The following ELL2 variants were observed in gnomAD, a reference collection of about 807,000 sequenced individuals.
ELL2 encodes the protein RNA polymerase II elongation factor ELL2.
ELL2 carries 21 observed loss-of-function variants against 72.8 expected under a neutral mutation model. That is an observed-to-expected ratio of 0.29 (90% CI 0.20 to 0.42). ELL2 has a LOEUF of 0.42. ELL2 is among the 10% of genes least tolerant of loss of function. The pLI is 1.00. For synonymous variants in ELL2, 266 were observed against 283.2 expected (o/e 0.94, Z 0.61); for missense variants, 568 against 772.8 (o/e 0.73, Z 3.14).
intron 1 of ELL2, among the ~76,000 whole-genome samples, chr5:95,954,049 A>G (rs961143653): frequency 2.0e-5 from 3 of 152,214 alleles, no homozygotes; most frequent in Admixed American, 1.3e-4. Flanking sequence ...TTCCCAAAGA[A>G]TTTCAACTTT....
chr5:95,895,325 A>G (rs1748825527), intron 9 of ELL2, among the ~76,000 whole-genome samples: 1 of 152,258 alleles, frequency 6.6e-6, no homozygotes, highest in East Asian at 1.9e-4. Context: ...TCAGCTTTGA[A>G]GAGTCAGATC....
chr5:95,919,618 C>T lies in ELL2; in HGVS notation c.196-73G>A, dbSNP rs566923134. The T allele has an allele frequency of 2.0e-6, 3 of 1,467,398 alleles. No individual in the cohort carries two copies. In the Admixed American group the frequency reaches 8.5e-5, roughly 42 times the overall value. The allele number at this position is 1,467,398 out of a possible 1,614,324, so 90.9% of individuals were successfully genotyped here. A position where few individuals can be genotyped will look rare whatever the true frequency, so the allele number is the denominator to read the frequency against. On this transcript the variant is annotated intron_variant, in intron 2 of 11. Transcript: ENST00000237853. ...ATAGAAAAGTCTTAAGACTGACTTA[C>T]TGGTTTTTCTAGTGAAAATCATTTT...
At chr5:95,940,355 T>G (rs116786056) in intron 2 of ELL2, among the ~76,000 whole-genome samples, 2 of 152,168 alleles carry the variant, frequency 1.3e-5, no homozygotes, top group Admixed American at 6.5e-5. Flanking sequence ...AACTTCAACC[T>G]AAGGGAACAT....
chr5:95,888,106 C>T lies in ELL2; in HGVS notation c.*765G>A, dbSNP rs777111250. 4 of 152,646 alleles carry T rather than the reference C, an allele frequency of 2.6e-5. No homozygotes were observed. Among genetic ancestry groups the T allele is most frequent in the Admixed American group, 2.0e-4 (3 of 15,272 alleles). 9.5% of individuals were successfully genotyped at this position (152,646 alleles called of 1,614,324 possible). On this transcript the variant is annotated 3_prime_UTR_variant, in exon 12 of 12. Transcript: ENST00000237853. ...CGCTCACATCCACACCACCTCTGCA[C>T]ACATACAGATCGAGCACACACTTCC...
chr5:95,897,234 T>G (rs1234298623), intron 8 of ELL2, among the ~76,000 whole-genome samples: 1 of 152,222 alleles, frequency 6.6e-6, no homozygotes, highest in Non-Finnish European at 1.5e-5. Context: ...ATCTAAGGAT[T>G]ACAGACTTTC....
chr5:95,902,927 G>A (rs982247853), intron 5 of ELL2, among the ~76,000 whole-genome samples: 7 of 146,556 alleles, frequency 4.8e-5, no homozygotes, highest in African/African-American at 8.3e-5. Context: ...GACTACAGGT[G>A]GACACCACTA....
chr5:95,918,004 A>G (rs1398061064), intron 3 of ELL2, among the ~76,000 whole-genome samples: 1 of 152,224 alleles, frequency 6.6e-6, no homozygotes, highest in Non-Finnish European at 1.5e-5. Flanking sequence ...TGGGAATTAG[A>G]AGAACTCAGT....
intron 1 of ELL2, among the ~76,000 whole-genome samples, chr5:95,949,574 CTT>C (rs1751297502): frequency 6.6e-6 from 1 of 151,878 alleles, no homozygotes; most frequent in Admixed American, 6.6e-5. Flanking sequence ...AAGGTTAACT[CTT>C]GAATTATTCT....
intron 2 of ELL2, among the ~76,000 whole-genome samples, chr5:95,933,487 C>T (rs1483029735): frequency 1.3e-5 from 2 of 151,980 alleles, no homozygotes; most frequent in Non-Finnish European, 2.9e-5. Flanking sequence ...GCTCATGATA[C>T]ATGCTAAATG....
At chr5:95,930,768 C>A (rs560088370) in intron 2 of ELL2, among the ~76,000 whole-genome samples, 6 of 152,290 alleles carry the variant, frequency 3.9e-5, no homozygotes, top group Admixed American at 3.3e-4. Context: ...AGGCACAAGA[C>A]CACAGTCTAT....
At position 95,893,534 on chromosome 5, in the gene ELL2, C is replaced by T. The variant is rs145178436; in HGVS notation, c.1589+2094G>A. ...TCAGTAGCTGGGAACCACAGGCACC[C>T]GCCACCACGCTCGACTAATTTTTTG... On this transcript the variant is annotated intron_variant, in intron 9 of 11. Coordinates refer to ENST00000237853, the MANE Select transcript of ELL2 (RefSeq NM_012081.6). 8.6e-3 allele frequency among the ~76,000 whole-genome samples: 1,302 copies of T among 152,154 alleles called. 25 individuals are homozygous for T. Among genetic ancestry groups the T allele is most frequent in the African/African-American group, 0.03 (1,243 of 41,518 alleles).
chr5:95,948,377 C>T lies in ELL2; in HGVS notation c.148-5328G>A, dbSNP rs555289833. Among the ~76,000 whole-genome samples, 105 of 142,780 alleles carry T rather than the reference C, an allele frequency of 7.4e-4. 1 individual carries two copies. The highest frequency in any genetic ancestry group is 1.3e-3 in the Non-Finnish European group (89 of 67,278). 93.7% of individuals were successfully genotyped at this position (142,780 alleles called of 152,430 possible). On this transcript the variant is annotated intron_variant, in intron 1 of 11. Coordinates refer to ENST00000237853, the MANE Select transcript of ELL2 (RefSeq NM_012081.6). The stretch of plus-strand genomic sequence containing the variant: ...CCCGGGAGGCGGAGCTTGCAGTGAG[C>T]CGAGATGGCGCCACAGCACTCCAGC...
At chr5:95,940,599 T>C (rs1254941091) in intron 2 of ELL2, among the ~76,000 whole-genome samples, 3 of 152,244 alleles carry the variant, frequency 2.0e-5, no homozygotes, top group Non-Finnish European at 4.4e-5. Context: ...TATGCCTATA[T>C]ATGACAGTAT....
At chr5:95,938,029 C>T (rs1021111081) in intron 2 of ELL2, among the ~76,000 whole-genome samples, 1 of 152,116 alleles carries the variant, frequency 6.6e-6, no homozygotes. Context: ...GCTGAAATTG[C>T]CTACTAACTT....
intron 3 of ELL2, among the ~76,000 whole-genome samples, chr5:95,919,134 A>G (rs1749947796): frequency 1.3e-5 from 2 of 152,120 alleles, no homozygotes; most frequent in South Asian, 4.1e-4. Context: ...AAAATCCTCA[A>G]ATTGCCTTTA....
intron 1 of ELL2, among the ~76,000 whole-genome samples, chr5:95,954,967 T>A (rs560546238): frequency 6.6e-6 from 1 of 152,302 alleles, no homozygotes; most frequent in South Asian, 2.1e-4. Flanking sequence ...AATCCAAACT[T>A]CTTAGTAAGG....
chr5:95,897,016 G>A (rs542659365), intron 8 of ELL2, among the ~76,000 whole-genome samples: 1 of 152,170 alleles, frequency 6.6e-6, no homozygotes, highest in African/African-American at 2.4e-5. Context: ...AACTATAAGA[G>A]TGTTGAGGGA....
chr5:95,961,569 G>T lies in ELL2; in HGVS notation c.147+6C>A. The stretch of plus-strand genomic sequence containing the variant: ...CTGAGCCCAGCCTGCCGGCCGGCCC[G>T]CTCACCTTGTGGCTCTGGTAAGTCT... On this transcript the variant is annotated splice_donor_region_variant and intron_variant, in intron 1 of 11. Transcript: ENST00000237853. 6.3e-7 allele frequency: 1 copy of T among 1,579,214 alleles called. No individual in the cohort carries two copies. Among genetic ancestry groups the T allele is most frequent in the Non-Finnish European group, 8.6e-7 (1 of 1,164,946 alleles).
Position 95,909,612 on chromosome 5 carries a change from G to C in ELL2, c.482-2830C>G, listed in dbSNP as rs888579122. On this transcript the variant is annotated intron_variant, in intron 4 of 11. Coordinates refer to ENST00000237853, the MANE Select transcript of ELL2 (RefSeq NM_012081.6). Reference sequence around the variant, plus strand: ...GGATTTATTTTTTATATTTGCCTCAGAAAAAAGCCATTTTAATAAAACCTA... The same window carrying C: ...GGATTTATTTTTTATATTTGCCTCACAAAAAAGCCATTTTAATAAAACCTA... Among the ~76,000 whole-genome samples the C allele has an allele frequency of 7.9e-5, 12 of 152,270 alleles. No individual in the cohort carries two copies. The East Asian group carries it at 2.3e-3, about 29-fold the overall frequency.
Sources: allele counts gnomAD v4.1 joint callset (sites outside exome capture counted in the v4.1 genomes callset), GRCh38; gene constraint gnomAD v4.1.1; transcripts MANE v1.5; gene names NCBI Gene and HGNC (gene_info 2026-07-23, HGNC 2026-07-21).